SHMT1: variants seen among roughly 807,000 people sequenced by gnomAD.
SHMT1 encodes serine hydroxymethyltransferase, cytosolic.
SHMT1 carries 45 observed loss-of-function variants against 49.0 expected under a neutral mutation model. The observed-to-expected ratio is 0.92, with a 90% confidence interval of 0.72 to 1.18. SHMT1 has a LOEUF of 1.18. Ranked by LOEUF, SHMT1 falls within the 50% of genes most tolerant of loss-of-function variation. The probability of loss-of-function intolerance (pLI) is 0.00; values close to 1 mark genes in which losing one functional copy is unlikely to be tolerated. For missense variants in SHMT1, 541 were observed against 612.4 expected (o/e 0.88, Z 1.23); for synonymous variants, 232 against 246.6 (o/e 0.94, Z 0.55).
At position 18,340,111 on chromosome 17, in the gene SHMT1, T is replaced by A; in HGVS notation, c.746A>T (p.His249Leu). 1 of 1,614,164 alleles carries A rather than the reference T, an allele frequency of 6.2e-7. No individual in the cohort carries two copies. Among genetic ancestry groups the A allele is most frequent in the Non-Finnish European group, 8.5e-7 (1 of 1,180,036 alleles). The change falls in exon 7 of 12, where the codon CAT becomes CTT. Residue 249 changes from histidine (H) to leucine (L), a missense_variant. Coordinates refer to ENST00000316694, the MANE Select transcript of SHMT1 (RefSeq NM_004169.5). This position sits in a 1 kb window ranked among gnomAD's most constrained non-coding sequence, Gnocchi z 4.5. ...GVVPSPFEHCHVVTTTTHKTL... is the reference protein window; with the variant it reads ...GVVPSPFEHCLVVTTTTHKTL... The stretch of plus-strand genomic sequence containing the variant: ...CTTGTGAGTGGTGGTGGTCACCACA[T>A]GGCAGTGTTCAAATGGGGAGGGCAC...
Position 18,351,204 on chromosome 17 carries a change from G to A in SHMT1, c.242+2468C>T, listed in dbSNP as rs186359653. On this transcript the variant is annotated intron_variant, in intron 3 of 11. Transcript: ENST00000316694. ...CACCCAGGCTGGAGTGCAGTGGCGC[G>A]ATCTCGGCTCACTGCAAACTCCACC... 7.9e-5 allele frequency among the ~76,000 whole-genome samples: 12 copies of A among 151,258 alleles called. No homozygotes were observed. The South Asian group carries it at 1.3e-3, about 16-fold the overall frequency.
intron 9 of SHMT1, chr17:18,332,815 A>G (rs993883045): frequency 1.1e-4 from 42 of 374,380 alleles, no homozygotes; most frequent in African/African-American, 6.9e-4. Context: ...GCAAGGCATC[A>G]CCACACAGTC....
chr17:18,346,450 G>A (rs190865226), intron 5 of SHMT1, among the ~76,000 whole-genome samples: 16 of 152,066 alleles, frequency 1.1e-4, no homozygotes, highest in Admixed American at 7.2e-4. Context: ...TTATACAGAC[G>A]GGTCCCACGA....
chr17:18,343,619 AAAAAAAAAAAAAG>A lies in SHMT1; in HGVS notation c.520-2819_520-2807del, dbSNP rs1250162573. ...GGGAAACTTTGTCTCAAAAAAAAAA[AAAAAAAAAAAAAG>A]GGGTCAGCCGGATGCGGTGGCTCAT... On this transcript the variant is annotated intron_variant, in intron 5 of 11. Transcript: ENST00000316694. Among the ~76,000 whole-genome samples, 329 of 145,198 alleles carry A rather than the reference AAAAAAAAAAAAAG, an allele frequency of 2.3e-3. 3 individuals are homozygous for A. The highest frequency in any genetic ancestry group is 7.9e-3 in the African/African-American group (305 of 38,816).
At chr17:18,352,855 A>G (rs1162899796) in intron 3 of SHMT1, among the ~76,000 whole-genome samples, 1 of 152,066 alleles carries the variant, frequency 6.6e-6, no homozygotes, top group African/African-American at 2.4e-5. Context: ...ACCTGGTGTT[A>G]ACAAAATACC....
In SHMT1 at chr17:18,340,309, G is replaced by A; in HGVS notation, c.602-54C>T. The A allele has an allele frequency of 1.3e-6, 2 of 1,585,002 alleles. No individual in the cohort carries two copies. Among genetic ancestry groups the A allele is most frequent in the African/African-American group, 2.7e-5 (2 of 74,516 alleles). On this transcript the variant is annotated intron_variant, in intron 6 of 11. Coordinates refer to ENST00000316694, the MANE Select transcript of SHMT1 (RefSeq NM_004169.5). The surrounding 1 kb of genome is among the most constrained non-coding windows in gnomAD (Gnocchi z 4.5). ...TCAGAGATGTCCACCGGCCAGCTGAGTTGGCTTCACAGTGGCCTCTAGATG... is the reference window on the plus strand; with the variant it reads ...TCAGAGATGTCCACCGGCCAGCTGAATTGGCTTCACAGTGGCCTCTAGATG...
At chr17:18,329,137 A>C (rs1982890561) in intron 11 of SHMT1, 141 bp downstream of exon 11, 2 of 873,240 alleles carry the variant, frequency 2.3e-6, no homozygotes, top group Admixed American at 4.0e-5. Flanking sequence ...GGTGATTTAC[A>C]TGTGTTTTTT....
intron 5 of SHMT1, among the ~76,000 whole-genome samples, chr17:18,342,796 C>T (rs1197123365): frequency 1.3e-5 from 2 of 151,810 alleles, no homozygotes; most frequent in Non-Finnish European, 2.9e-5. Context: ...ATTAGCCAGG[C>T]GTGGTGGCGT....
chr17:18,360,172 C>T (rs1290725356), intron 1 of SHMT1, among the ~76,000 whole-genome samples: 1 of 151,990 alleles, frequency 6.6e-6, no homozygotes, highest in African/African-American at 2.4e-5. Flanking sequence ...TCGCTTGAAC[C>T]CAGGAGGTGG....
chr17:18,335,899 C>T (rs940362410), intron 7 of SHMT1, among the ~76,000 whole-genome samples: 2 of 152,184 alleles, frequency 1.3e-5, no homozygotes, highest in African/African-American at 4.8e-5. Flanking sequence ...ATGACTCTGG[C>T]TGGAATACTG....
chr17:18,363,145 C>T (rs558758735), intron 1 of SHMT1: 1 of 152,286 alleles, frequency 6.6e-6, no homozygotes, highest in Non-Finnish European at 1.5e-5. Context: ...GGCCACGGGC[C>T]GCCACCCCAT....
rs1450283702 is a variant in SHMT1, at chr17:18,343,621, AAAAAAAAAAAG to A, written c.520-2819_520-2809del. On this transcript the variant is annotated intron_variant, in intron 5 of 11. Coordinates refer to ENST00000316694, the MANE Select transcript of SHMT1 (RefSeq NM_004169.5). ...GAAACTTTGTCTCAAAAAAAAAAAA[AAAAAAAAAAAG>A]GGGTCAGCCGGATGCGGTGGCTCAT... is the stretch of plus-strand genomic sequence containing the variant. Among the ~76,000 whole-genome samples the A allele has an allele frequency of 2.7e-4, 39 of 145,072 alleles. 1 individual carries two copies. Among genetic ancestry groups the A allele is most frequent in the African/African-American group, 9.1e-4 (35 of 38,446 alleles).
chr17:18,337,472 C>G (rs934001273), intron 7 of SHMT1, among the ~76,000 whole-genome samples: 1 of 152,216 alleles, frequency 6.6e-6, no homozygotes, highest in Non-Finnish European at 1.5e-5. Flanking sequence ...GGGCATGTGG[C>G]TGTGTCTAGT....
At chr17:18,343,175 T>G (rs1984703803) in intron 5 of SHMT1, among the ~76,000 whole-genome samples, 1 of 152,088 alleles carries the variant, frequency 6.6e-6, no homozygotes, top group African/African-American at 2.4e-5. Flanking sequence ...AACATCACTG[T>G]GCATCCCATA....
At chr17:18,333,690 G>T (rs1297416337) in intron 8 of SHMT1, among the ~76,000 whole-genome samples, 1 of 151,874 alleles carries the variant, frequency 6.6e-6, no homozygotes, top group Admixed American at 6.5e-5. Flanking sequence ...GGCTGGTCTT[G>T]AACTCCTGAC....
intron 3 of SHMT1, 116 bp downstream of exon 3, chr17:18,353,556 A>T (rs1985928511): frequency 9.1e-7 from 1 of 1,099,338 alleles, no homozygotes; most frequent in Non-Finnish European, 1.4e-6. Flanking sequence ...TGGAACAGAA[A>T]TCCTACAGCT....
intron 2 of SHMT1, among the ~76,000 whole-genome samples, chr17:18,355,285 G>T (rs1042847407): frequency 6.7e-6 from 1 of 149,630 alleles, no homozygotes; most frequent in Non-Finnish European, 1.5e-5. Context: ...CAGGAGAATG[G>T]CATGAACCCA....
At chr17:18,346,692 T>G (rs889147122) in intron 5 of SHMT1, among the ~76,000 whole-genome samples, 3 of 152,160 alleles carry the variant, frequency 2.0e-5, no homozygotes, top group African/African-American at 7.2e-5. Flanking sequence ...ATGCATGTAA[T>G]ATACCTAACC....
intron 2 of SHMT1, among the ~76,000 whole-genome samples, chr17:18,354,136 G>T (rs1331753738): frequency 6.6e-6 from 1 of 151,846 alleles, no homozygotes; most frequent in Non-Finnish European, 1.5e-5. Flanking sequence ...TACAAAACTT[G>T]GCTGGGCGTG....
Sources: allele counts gnomAD v4.1 joint callset (sites outside exome capture counted in the v4.1 genomes callset), GRCh38; gene constraint gnomAD v4.1.1; non-coding constraint Gnocchi (gnomAD v3.1); transcripts MANE v1.5; gene names NCBI Gene and HGNC (gene_info 2026-07-23, HGNC 2026-07-21).